Variants in PTPRM observed in about 807,000 individuals in gnomAD.
The protein encoded by PTPRM is receptor-type tyrosine-protein phosphatase mu.
In PTPRM, 47 loss-of-function variants were observed where a neutral mutation model predicts 186.7. The ratio of observed to expected loss-of-function variants is 0.25; its 90% CI spans 0.20 to 0.32. The LOEUF (loss-of-function observed/expected upper bound fraction) is 0.32. Ranked by LOEUF, PTPRM falls within the 10% of genes least tolerant of loss-of-function variation. The pLI is 1.00. For missense variants in PTPRM, 1,494 were observed against 1,865.0 expected, an observed-to-expected ratio of 0.80 and a Z score of 3.66; for synonymous variants, 668 against 674.9, an observed-to-expected ratio of 0.99 and a Z score of 0.16.
intron 14 of PTPRM, among the ~76,000 whole-genome samples, chr18:8,146,408 T>G (rs948669303): frequency 6.6e-6 from 1 of 152,232 alleles, no homozygotes; most frequent in African/African-American, 2.4e-5. Context: ...CGACCGGTGA[T>G]GATAAGCATT....
Position 8,376,162 on chromosome 18 carries a change from G to A in PTPRM, c.3288G>A (p.Lys1096=), listed in dbSNP as rs1016530945. The change falls in exon 25 of 33, where the codon AAG becomes AAA. Residue 1096 remains lysine, a synonymous_variant. Coordinates refer to ENST00000580170, the MANE Select transcript of PTPRM (RefSeq NM_001105244.2). ...LLGFVRQVKS[K]SPPSAGPLVV... ...GATTCGTGCGGCAAGTCAAGTCCAA[G>A]AGCCCGCCCAGTGCAGGCCCACTGG... 3.1e-6 allele frequency: 5 copies of A among 1,613,714 alleles called. No individual in the cohort carries two copies. Among genetic ancestry groups the A allele is most frequent in the African/African-American group, 2.7e-5 (2 of 75,040 alleles).
chr18:8,406,234 A>G lies in PTPRM; in HGVS notation c.*72A>G. 2 of 1,400,830 alleles carry G rather than the reference A, an allele frequency of 1.4e-6. No individual in the cohort carries two copies. Among genetic ancestry groups the G allele is most frequent in the Middle Eastern group, 1.8e-4 (1 of 5,542 alleles). 86.8% of individuals were successfully genotyped at this position (1,400,830 alleles called of 1,614,324 possible). A position where few individuals can be genotyped will look rare whatever the true frequency, so the allele number is the denominator to read the frequency against. On this transcript the variant is annotated 3_prime_UTR_variant, in exon 33 of 33. Coordinates refer to ENST00000580170, the MANE Select transcript of PTPRM (RefSeq NM_001105244.2). The stretch of plus-strand genomic sequence containing the variant: ...AGACGTTCCATGGTATTTGTGCAAA[A>G]GAGATGAAGACTTCTCAATATGCTT...
intron 17 of PTPRM, among the ~76,000 whole-genome samples, 161 bp from the exon 18 acceptor site, chr18:8,252,327 G>T (rs988987336): frequency 6.6e-6 from 1 of 152,246 alleles, no homozygotes; most frequent in Non-Finnish European, 1.5e-5. Context: ...CGTGATGGAA[G>T]AATTGAGGCT....
intron 11 of PTPRM, among the ~76,000 whole-genome samples, chr18:8,103,055 A>G (rs2091362095): frequency 6.6e-6 from 1 of 152,218 alleles, no homozygotes; most frequent in Non-Finnish European, 1.5e-5. Context: ...GTAGGTCTCA[A>G]CAGTGGGCTT....
intron 14 of PTPRM, among the ~76,000 whole-genome samples, chr18:8,165,179 AAAAAG>A (rs987193747): frequency 7.9e-5 from 12 of 151,942 alleles, no homozygotes; most frequent in African/African-American, 2.7e-4. Context: ...AAAAAAAAAA[AAAAAG>A]AAAGAAAGAA....
chr18:8,126,627 C>G (rs983179280), intron 13 of PTPRM, among the ~76,000 whole-genome samples: 1 of 152,158 alleles, frequency 6.6e-6, no homozygotes, highest in African/African-American at 2.4e-5. Flanking sequence ...TCTTTATCTT[C>G]AGTAAACCGT....
chr18:8,190,895 T>C (rs575474335), intron 14 of PTPRM, among the ~76,000 whole-genome samples: 2 of 152,172 alleles, frequency 1.3e-5, no homozygotes, highest in Non-Finnish European at 2.9e-5. Context: ...AAAAAAATTG[T>C]GTGTTGGGGA....
intron 14 of PTPRM, among the ~76,000 whole-genome samples, chr18:8,226,236 T>A (rs1289609962): frequency 6.6e-6 from 1 of 152,142 alleles, no homozygotes; most frequent in Non-Finnish European, 1.5e-5. Flanking sequence ...AGCAATCCCT[T>A]CTGTTCCCCA....
rs373506007 is a variant in PTPRM at position 7,774,162 on chromosome 18, T to A, written c.87T>A (p.Phe29Leu). The A allele has an allele frequency of 2.0e-5, 32 of 1,610,600 alleles. No individual in the cohort carries two copies. Among genetic ancestry groups the A allele is most frequent in the Non-Finnish European group, 2.5e-5 (29 of 1,177,192 alleles). The change falls in exon 2 of 33, where the codon TTT (phenylalanine) becomes TTA (leucine). Residue 29 changes from phenylalanine (F) to leucine (L), a missense_variant. Transcript: ENST00000580170. Reference protein sequence around the residue: ...AGETFSGGCLFDEPYSTCGYS... With the variant: ...AGETFSGGCLLDEPYSTCGYS... Reference sequence around the variant, plus strand: ...TTTACATTTTAGGTGGCTGCCTCTTTGATGAGCCGTATAGCACATGTGGAT... The same window carrying A: ...TTTACATTTTAGGTGGCTGCCTCTTAGATGAGCCGTATAGCACATGTGGAT...
At chr18:8,023,029 A>G (rs563551231) in intron 7 of PTPRM, among the ~76,000 whole-genome samples, 112 of 152,272 alleles carry the variant, frequency 7.4e-4, no homozygotes, top group African/African-American at 2.5e-3. Flanking sequence ...GGTGGTTTAC[A>G]AAGTCTTTGA....
At chr18:7,834,679 T>C (rs2045945954) in intron 2 of PTPRM, among the ~76,000 whole-genome samples, 1 of 151,470 alleles carries the variant, frequency 6.6e-6, no homozygotes, top group Non-Finnish European at 1.5e-5. Flanking sequence ...TTGAGTAGGA[T>C]TGGTATTAGT....
At position 7,568,894 on chromosome 18, in the gene PTPRM, G is replaced by A. The variant is rs1404170664; in HGVS notation, c.73+1003G>A. ...ACCTGGGTGACACAGGTGGATAGAC[G>A]GCAAATGCTGGCCCATTTGCACACC... On this transcript the variant is annotated intron_variant, in intron 1 of 32. Transcript: ENST00000580170. The surrounding 1 kb of genome is among the most constrained non-coding windows in gnomAD (Gnocchi z 5.1). Among the ~76,000 whole-genome samples the A allele has an allele frequency of 2.0e-5, 3 of 152,106 alleles. No individual in the cohort carries two copies. The highest frequency in any genetic ancestry group is 4.4e-5 in the Non-Finnish European group (3 of 68,020).
intron 1 of PTPRM, among the ~76,000 whole-genome samples, chr18:7,600,613 C>T (rs188424120): frequency 1.1e-4 from 16 of 152,282 alleles, no homozygotes; most frequent in East Asian, 3.9e-4. Flanking sequence ...TGTCTCTACC[C>T]GCTCCCCTCC....
intron 2 of PTPRM, 57 bp downstream of exon 2, chr18:7,774,328 C>T: frequency 1.3e-6 from 2 of 1,582,056 alleles, no homozygotes; most frequent in Non-Finnish European, 1.7e-6. Context: ...CTCAATCATA[C>T]TATGTGTTCA....
chr18:8,350,872 C>A (rs2095530775), intron 23 of PTPRM, among the ~76,000 whole-genome samples: 1 of 152,204 alleles, frequency 6.6e-6, no homozygotes, highest in South Asian at 2.1e-4. Context: ...CTGGCCCATG[C>A]ACAGTGGAGC....
At chr18:7,942,219 G>A (rs1376174232) in intron 5 of PTPRM, among the ~76,000 whole-genome samples, 1 of 151,116 alleles carries the variant, frequency 6.6e-6, no homozygotes, top group African/African-American at 2.4e-5. Flanking sequence ...GGAGGCGGAG[G>A]TTGAAGTGAG....
intron 7 of PTPRM, among the ~76,000 whole-genome samples, chr18:8,065,359 C>G (rs1435853719): frequency 6.6e-6 from 1 of 152,174 alleles, no homozygotes; most frequent in East Asian, 1.9e-4. Context: ...TCCCTTAGGT[C>G]AGACTTCTCT....
At chr18:7,881,393 C>CAATG (rs1388298957) in intron 2 of PTPRM, among the ~76,000 whole-genome samples, 3 of 152,192 alleles carry the variant, frequency 2.0e-5, no homozygotes, top group Non-Finnish European at 4.4e-5. Context: ...CGAGTTTGTG[C>CAATG]CATTGCATTC....
rs201319384 is a variant in PTPRM at position 8,253,227 on chromosome 18, A to G, written c.2567A>G (p.Asp856Gly). ...TTTCTCCCTGGCCTTCTTTTCCTAG[A>G]TGAAACCCACACAATGGCCAGCGAT... Reference protein sequence around the residue: ...VPTAILVPINDETHTMASDTS... With the variant: ...VPTAILVPINGETHTMASDTS... Residue 856 changes from aspartate (D) to glycine (G), a missense_variant and splice_region_variant, in exon 19 of 33, where the codon GAT becomes GGT. Asp to Gly is a moderately conservative substitution (Grantham distance 94). Coordinates refer to ENST00000580170, the MANE Select transcript of PTPRM (RefSeq NM_001105244.2). 2 of 1,459,230 alleles carry G rather than the reference A, an allele frequency of 1.4e-6. No homozygotes were observed. The highest frequency in any genetic ancestry group is 2.7e-5 in the East Asian group (1 of 37,008). The allele number at this position is 1,459,230 out of a possible 1,614,324, so 90.4% of individuals were successfully genotyped here.
Sources: gnomAD v4.1 joint callset for allele counts (sites outside exome capture counted in the v4.1 genomes callset) on GRCh38, gnomAD v4.1.1 for gene constraint, Gnocchi (gnomAD v3.1) non-coding constraint, MANE v1.5 for transcripts, NCBI Gene and HGNC (gene_info 2026-07-23, HGNC 2026-07-21) for gene names.